The following SIPA1L3 variants were observed in gnomAD, a reference collection of about 807,000 sequenced individuals.
The protein encoded by SIPA1L3 is signal induced proliferation associated 1 like 3, also known as signal-induced proliferation-associated 1-like protein 3.
Under a neutral mutation model 150.1 loss-of-function variants are expected in SIPA1L3, and 59 were observed. The observed-to-expected ratio is 0.39, with a 90% CI of 0.32 to 0.49. SIPA1L3 has a LOEUF of 0.49. Among genes scored for constraint, SIPA1L3 ranks in the 20% least tolerant of loss-of-function variants. The pLI, the probability that SIPA1L3 is intolerant of heterozygous loss-of-function variation, is 0.86. For missense variants in SIPA1L3, 2,211 were observed against 2,489.5 expected (o/e 0.89, Z 2.38); for synonymous variants, 1,070 against 1,077.6 (o/e 0.99, Z 0.14).
At chr19:38,057,884 G>C (rs947534129) in intron 2 of SIPA1L3, among the ~76,000 whole-genome samples, 2 of 151,818 alleles carry the variant, frequency 1.3e-5, no homozygotes, top group African/African-American at 4.8e-5. Context: ...GGATGGTCTC[G>C]ATTTCCTGAC....
intron 1 of SIPA1L3, among the ~76,000 whole-genome samples, chr19:37,968,300 T>G (rs1236676060): frequency 6.6e-6 from 1 of 152,108 alleles, no homozygotes; most frequent in Non-Finnish European, 1.5e-5. Flanking sequence ...CTCGATTTCC[T>G]GACCTCAGGT....
intron 1 of SIPA1L3, among the ~76,000 whole-genome samples, chr19:37,937,213 A>C (rs1296919636): frequency 1.3e-5 from 2 of 152,180 alleles, no homozygotes; most frequent in African/African-American, 4.8e-5. Flanking sequence ...TGGATTAATC[A>C]TAATGCGTGG....
intron 1 of SIPA1L3, among the ~76,000 whole-genome samples, chr19:37,993,833 C>G (rs2145640768): frequency 6.6e-6 from 1 of 152,326 alleles, no homozygotes; most frequent in Non-Finnish European, 1.5e-5. Flanking sequence ...TGAATAAACA[C>G]TTGAAGCATT....
chr19:38,030,116 A>G (rs1159484837), intron 2 of SIPA1L3, among the ~76,000 whole-genome samples: 2 of 147,702 alleles, frequency 1.4e-5, no homozygotes, highest in African/African-American at 4.9e-5. Flanking sequence ...AGCCTCCCAA[A>G]ATGCTGGGAT....
intron 2 of SIPA1L3, among the ~76,000 whole-genome samples, chr19:38,069,370 C>T (rs952102068): frequency 6.6e-6 from 1 of 152,180 alleles, no homozygotes; most frequent in African/African-American, 2.4e-5. Context: ...AGCGTCCACT[C>T]CTGTTGACAG....
chr19:38,085,403 C>T (rs1352047730), intron 3 of SIPA1L3, among the ~76,000 whole-genome samples: 2 of 151,004 alleles, frequency 1.3e-5, no homozygotes, highest in Non-Finnish European at 2.9e-5. Flanking sequence ...TGGCATGAAC[C>T]CGGGAGGCAG....
intron 13 of SIPA1L3, among the ~76,000 whole-genome samples, chr19:38,161,904 T>C (rs1388176019): frequency 6.6e-6 from 1 of 150,380 alleles, no homozygotes; most frequent in Middle Eastern, 3.5e-3. Flanking sequence ...TAGCCAAGCA[T>C]GGTGATGCAC....
At chr19:37,969,173 C>T (rs757742951) in intron 1 of SIPA1L3, among the ~76,000 whole-genome samples, 17 of 151,914 alleles carry the variant, frequency 1.1e-4, no homozygotes, top group East Asian at 5.8e-4. Flanking sequence ...TTCAAGGCTG[C>T]GGTGAGCCAT....
chr19:38,188,387 G>A (rs1232839488), intron 16 of SIPA1L3, among the ~76,000 whole-genome samples: 1 of 151,626 alleles, frequency 6.6e-6, no homozygotes, highest in East Asian at 2.0e-4. Context: ...GTTTTACCAT[G>A]TTGGCCAGTC....
At chr19:38,156,081 C>CA (rs989745689) in intron 13 of SIPA1L3, among the ~76,000 whole-genome samples, 2 of 151,212 alleles carry the variant, frequency 1.3e-5, no homozygotes, top group African/African-American at 4.9e-5. Context: ...AACTCTGTCT[C>CA]AAAAAAAACA....
rs1419945435 is a variant in SIPA1L3, at chr19:38,007,464, AAAG to A, written c.-378-21622_-378-21620del. Among the ~76,000 whole-genome samples the A allele has an allele frequency of 6.9e-5, 10 of 144,348 alleles. 1 individual carries two copies. The highest frequency in any genetic ancestry group is 2.0e-4 in the East Asian group (1 of 4,894). 94.7% of individuals were successfully genotyped at this position (144,348 alleles called of 152,430 possible). ...GAAACTCTGTCTCAAAAAAAAAAAAAAAGAAAGAAAAGAAAAAAACAAATATTG... is the reference window on the plus strand; with the variant it reads ...GAAACTCTGTCTCAAAAAAAAAAAAAAAAGAAAAGAAAAAAACAAATATTG... On this transcript the variant is annotated intron_variant, in intron 1 of 21. Coordinates refer to ENST00000222345, the MANE Select transcript of SIPA1L3 (RefSeq NM_015073.3).
chr19:37,960,328 AC>A (rs2046845878), intron 1 of SIPA1L3, among the ~76,000 whole-genome samples: 1 of 151,360 alleles, frequency 6.6e-6, no homozygotes, highest in Middle Eastern at 3.5e-3. Flanking sequence ...GCCTCAACCT[AC>A]TGTGTTCAAG....
At chr19:38,167,683 C>T (rs948135569) in intron 15 of SIPA1L3, among the ~76,000 whole-genome samples, 1 of 152,140 alleles carries the variant, frequency 6.6e-6, no homozygotes, top group Non-Finnish European at 1.5e-5. Flanking sequence ...CCACCTCAGC[C>T]CCCTAAGTAG....
chr19:37,940,907 AGTTTATAT>A (rs761688368), intron 1 of SIPA1L3, among the ~76,000 whole-genome samples: 20 of 151,988 alleles, frequency 1.3e-4, no homozygotes, highest in Non-Finnish European at 2.5e-4. Context: ...TTTCTCTTGC[AGTTTATAT>A]GTTCAGAAAG....
At chr19:38,147,529 TTTTGAGA>T (rs1309897412) in intron 12 of SIPA1L3, among the ~76,000 whole-genome samples, 1 of 152,146 alleles carries the variant, frequency 6.6e-6, no homozygotes, top group Non-Finnish European at 1.5e-5. Flanking sequence ...CCATGATCCA[TTTTGAGA>T]TTTGTTTGTT....
At chr19:38,009,728 C>A (rs1234017548) in intron 1 of SIPA1L3, among the ~76,000 whole-genome samples, 1 of 152,016 alleles carries the variant, frequency 6.6e-6, no homozygotes, top group Non-Finnish European at 1.5e-5. Context: ...TGATTTGATT[C>A]TGGCTCTAGC....
chr19:38,183,088 G>T, intron 16 of SIPA1L3: 1 of 246,872 alleles, frequency 4.1e-6, no homozygotes, highest in South Asian at 7.2e-5. Context: ...GCAGGCCGGG[G>T]TGGCTGGAAC....
intron 2 of SIPA1L3, among the ~76,000 whole-genome samples, chr19:38,029,751 C>T (rs1019503441): frequency 6.6e-6 from 1 of 151,822 alleles, no homozygotes; most frequent in African/African-American, 2.4e-5. Context: ...AGGCATGCGC[C>T]ACCATGACTG....
intron 1 of SIPA1L3, among the ~76,000 whole-genome samples, chr19:38,008,126 C>A (rs1256980606): frequency 1.3e-5 from 2 of 151,842 alleles, no homozygotes; most frequent in South Asian, 2.1e-4. Context: ...GAGGCCTTGC[C>A]CTCTTTTCAT....
Sources: gnomAD v4.1 joint callset for allele counts (sites outside exome capture counted in the v4.1 genomes callset) on GRCh38, gnomAD v4.1.1 for gene constraint, MANE v1.5 for transcripts, NCBI Gene and HGNC (gene_info 2026-07-23, HGNC 2026-07-21) for gene names.